ERCC1: variants seen among roughly 807,000 people sequenced by gnomAD.
The protein encoded by ERCC1 is ERCC excision repair 1, endonuclease non-catalytic subunit, also known as DNA excision repair protein ERCC-1.
In ERCC1, 36 loss-of-function variants were observed where a neutral mutation model predicts 37.6. That is an observed-to-expected ratio of 0.96 (90% CI 0.73 to 1.26). The LOEUF (loss-of-function observed/expected upper bound fraction) is 1.26. Among genes scored for constraint, ERCC1 ranks in the 50% most tolerant of loss-of-function variants. ERCC1 has a pLI of 0.00. For missense variants in ERCC1, 349 were observed against 376.5 expected, an observed-to-expected ratio of 0.93 and a Z score of 0.60; for synonymous variants, 156 against 162.1, an observed-to-expected ratio of 0.96 and a Z score of 0.28.
intron 1 of ERCC1, among the ~76,000 whole-genome samples, chr19:45,436,868 G>A (rs1974993246): frequency 6.6e-6 from 1 of 152,098 alleles, no homozygotes; most frequent in Non-Finnish European, 1.5e-5. Flanking sequence ...GAGGTGGGAG[G>A]ACCCCGTGAG....
At chr19:45,409,830 A>G (rs1283544039) in intron 9 of ERCC1, 105 bp from the exon 10 acceptor site, 18 of 706,502 alleles carry the variant, frequency 2.5e-5, no homozygotes, top group Admixed American at 6.2e-5. Flanking sequence ...TATACCCTCA[A>G]GCATTTATCC....
intron 1 of ERCC1, among the ~76,000 whole-genome samples, chr19:45,449,803 A>T (rs929938241): frequency 7.9e-5 from 12 of 152,130 alleles, no homozygotes; most frequent in African/African-American, 2.9e-4. Flanking sequence ...CGTCCCTACT[A>T]AAAATACAAA....
At chr19:45,417,812 G>A (rs148073008) in intron 5 of ERCC1, among the ~76,000 whole-genome samples, 2 of 152,166 alleles carry the variant, frequency 1.3e-5, no homozygotes, top group Non-Finnish European at 2.9e-5. Context: ...CAATTCTCCT[G>A]CCTCAGCCTC....
intron 1 of ERCC1, among the ~76,000 whole-genome samples, chr19:45,445,958 G>A (rs1966928298): frequency 1.3e-5 from 2 of 151,924 alleles, no homozygotes; most frequent in African/African-American, 4.8e-5. Flanking sequence ...GCGTGGTCTC[G>A]GCTCACTGCA....
At chr19:45,436,625 GACAA>G (rs899558310) in intron 1 of ERCC1, 8 of 152,454 alleles carry the variant, frequency 5.2e-5, no homozygotes, top group East Asian at 3.9e-4. Context: ...CTCCGTCTCA[GACAA>G]ACAAACAAAC....
chr19:45,440,793 C>G (rs1257256576), intron 1 of ERCC1, among the ~76,000 whole-genome samples: 1 of 152,174 alleles, frequency 6.6e-6, no homozygotes, highest in African/African-American at 2.4e-5. Flanking sequence ...GAATGCAGTG[C>G]TGGGATCTTA....
chr19:45,448,755 A>G (rs1043793445), intron 1 of ERCC1, among the ~76,000 whole-genome samples: 8 of 152,148 alleles, frequency 5.3e-5, no homozygotes, highest in Non-Finnish European at 1.0e-4. Flanking sequence ...GCTGAGAAAG[A>G]CAAAAAGCTA....
chr19:45,448,979 C>G (rs1388071116), intron 1 of ERCC1, among the ~76,000 whole-genome samples: 1 of 152,156 alleles, frequency 6.6e-6, no homozygotes, highest in African/African-American at 2.4e-5. Flanking sequence ...ATAACCTGCC[C>G]TCTGTGCAGA....
chr19:45,413,962 C>T lies in ERCC1; in HGVS notation c.774+1G>A. On this transcript the variant is annotated splice_donor_variant, in intron 8 of 9. Transcript: ENST00000300853. LOFTEE classifies it high-confidence loss of function. ...TATGGGGCAGGGGAGCCATTCCTTACTCCAAATGTGGTCAGGAGGGTCTGA... is the reference window on the plus strand; with the variant it reads ...TATGGGGCAGGGGAGCCATTCCTTATTCCAAATGTGGTCAGGAGGGTCTGA... 6.2e-7 allele frequency: 1 copy of T among 1,613,634 alleles called. No homozygotes were observed. Among genetic ancestry groups the T allele is most frequent in the Non-Finnish European group, 8.5e-7 (1 of 1,179,798 alleles).
At chr19:45,415,730 G>A (rs926999197) in intron 6 of ERCC1, 48 of 455,430 alleles carry the variant, frequency 1.1e-4, no homozygotes, top group Non-Finnish European at 2.0e-4. Context: ...AACCACTGCT[G>A]GGCGCATCTT....
At chr19:45,430,722 C>T (rs1031626987) in intron 1 of ERCC1, among the ~76,000 whole-genome samples, 1 of 151,932 alleles carries the variant, frequency 6.6e-6, no homozygotes, top group Admixed American at 6.6e-5. Flanking sequence ...TTGAGACCAG[C>T]CTGGCAAACA....
chr19:45,419,344 C>A, intron 4 of ERCC1, 147 bp from the exon 5 acceptor site: 1 of 668,118 alleles, frequency 1.5e-6, no homozygotes. Context: ...AGTCACTTGC[C>A]CCAGGTCACT....
intron 1 of ERCC1, among the ~76,000 whole-genome samples, chr19:45,433,956 AACCCCGTCTCT>A (rs1431207084): frequency 2.6e-5 from 4 of 151,628 alleles, no homozygotes; most frequent in African/African-American, 9.7e-5. Flanking sequence ...AACATGGTGA[AACCCCGTCTCT>A]ACTAAAAATA....
chr19:45,428,282 G>T (rs911659165), upstream of ERCC1, among the ~76,000 whole-genome samples: 19 of 144,512 alleles, frequency 1.3e-4, no homozygotes, highest in African/African-American at 5.1e-4. Context: ...GCGTGGGGGT[G>T]GGGGGGTGGG....
intron 1 of ERCC1, among the ~76,000 whole-genome samples, chr19:45,445,960 C>G (rs1966928461): frequency 6.6e-6 from 1 of 152,136 alleles, no homozygotes; most frequent in Admixed American, 6.6e-5. Context: ...GTGGTCTCGG[C>G]TCACTGCAAC....
At chr19:45,436,338 G>A (rs1974974975) in intron 1 of ERCC1, among the ~76,000 whole-genome samples, 1 of 152,154 alleles carries the variant, frequency 6.6e-6, no homozygotes, top group African/African-American at 2.4e-5. Context: ...TAAAACAAGA[G>A]AAATTCGGCC....
chr19:45,438,449 T>C (rs953228887), intron 1 of ERCC1, among the ~76,000 whole-genome samples: 6 of 151,978 alleles, frequency 3.9e-5, no homozygotes, highest in Admixed American at 1.3e-4. Flanking sequence ...TTATTTTTTA[T>C]GTGTTTGTTT....
At chr19:45,416,033 G>C (rs916913844) in intron 6 of ERCC1, among the ~76,000 whole-genome samples, 41 of 152,176 alleles carry the variant, frequency 2.7e-4, no homozygotes, top group African/African-American at 8.9e-4. Context: ...TGCTCGGGAG[G>C]CTGAGGCAGG....
In ERCC1 at chr19:45,420,342, G is replaced by A. The variant is rs2123511398; in HGVS notation, c.407C>T (p.Thr136Ile). 1 of 1,612,946 alleles carries A rather than the reference G, an allele frequency of 6.2e-7. No individual in the cohort carries two copies. The highest frequency in any genetic ancestry group is 1.1e-5 in the South Asian group (1 of 90,800). ...AGCTCACCTGAGGAACAGGGCACAGGTGCTCTGGCCCAGCACATAGTCGGG... is the reference window on the plus strand; with the variant it reads ...AGCTCACCTGAGGAACAGGGCACAGATGCTCTGGCCCAGCACATAGTCGGG... ...VIPDYVLGQS[T>I]CALFLSLRYH... The change falls in exon 4 of 10, where the codon ACC becomes ATC. Residue 136 changes from threonine (T) to isoleucine (I), a missense_variant. Coordinates refer to ENST00000300853, the MANE Select transcript of ERCC1 (RefSeq NM_001983.4). This position sits in a 1 kb window ranked among gnomAD's most constrained non-coding sequence, Gnocchi z 4.8.
Sources: allele counts gnomAD v4.1 joint callset (sites outside exome capture counted in the v4.1 genomes callset), GRCh38; gene constraint gnomAD v4.1.1; non-coding constraint Gnocchi (gnomAD v3.1); transcripts MANE v1.5; gene names NCBI Gene and HGNC (gene_info 2026-07-23, HGNC 2026-07-21).